The following SHB variants were observed in gnomAD, a reference collection of about 807,000 sequenced individuals.
SHB encodes SH2 domain containing adaptor protein B.
Under a neutral mutation model 52.3 loss-of-function variants are expected in SHB, and 20 were observed. The observed-to-expected ratio is 0.38, with a 90% CI of 0.27 to 0.56. The LOEUF is 0.56. Among genes scored for constraint, SHB ranks in the 20% least tolerant of loss-of-function variants. SHB has a pLI of 0.71. For missense variants in SHB, 825 were observed against 723.3 expected, an observed-to-expected ratio of 1.14 and a Z score of -1.61; for synonymous variants, 397 against 316.5, an observed-to-expected ratio of 1.25 and a Z score of -2.70.
At chr9:38,062,357 C>CTTCTCTGCCCT (rs1286031142) in intron 1 of SHB, among the ~76,000 whole-genome samples, 2 of 152,188 alleles carry the variant, frequency 1.3e-5, no homozygotes, top group Non-Finnish European at 2.9e-5. Flanking sequence ...TAATTAATGG[C>CTTCTCTGCCCT]TTGCCTGTAT....
chr9:38,042,077 C>T (rs920649680), intron 1 of SHB, among the ~76,000 whole-genome samples: 2 of 150,320 alleles, frequency 1.3e-5, no homozygotes, highest in African/African-American at 4.8e-5. Context: ...CTGGCTTCGC[C>T]CAGAAGGCAT....
At chr9:37,969,664 C>T (rs1008174218) in intron 3 of SHB, among the ~76,000 whole-genome samples, 4 of 152,226 alleles carry the variant, frequency 2.6e-5, no homozygotes, top group African/African-American at 7.2e-5. Flanking sequence ...TCCACCCCGG[C>T]TCCTTGGTCC....
intron 3 of SHB, among the ~76,000 whole-genome samples, chr9:37,966,028 A>G (rs1171551451): frequency 6.6e-6 from 1 of 152,198 alleles, no homozygotes; most frequent in Admixed American, 6.5e-5. Context: ...AAGTGGAGAC[A>G]GGGTTTCACC....
At chr9:38,000,899 G>C (rs991766947) in intron 2 of SHB, among the ~76,000 whole-genome samples, 3 of 152,140 alleles carry the variant, frequency 2.0e-5, no homozygotes, top group Non-Finnish European at 2.9e-5. Context: ...GTGACTTCGG[G>C]AAAGTCCCTT....
chr9:38,033,747 C>CA, intron 1 of SHB, among the ~76,000 whole-genome samples: 1 of 152,270 alleles, frequency 6.6e-6, no homozygotes, highest in African/African-American at 2.4e-5. Flanking sequence ...CCATAACTCT[C>CA]AGTCTTATGG....
intron 1 of SHB, among the ~76,000 whole-genome samples, chr9:38,067,045 G>A (rs541624629): frequency 2.6e-5 from 4 of 152,312 alleles, no homozygotes; most frequent in African/African-American, 9.6e-5. Flanking sequence ...CTTCACAGGA[G>A]TGTGAAGGGG....
chr9:37,995,938 A>T (rs1398771397), intron 2 of SHB, among the ~76,000 whole-genome samples: 1 of 152,182 alleles, frequency 6.6e-6, no homozygotes, highest in Admixed American at 6.5e-5. Context: ...TACACCCAAC[A>T]ATTCTATACA....
At chr9:38,017,751 G>A (rs1418220283) in intron 1 of SHB, among the ~76,000 whole-genome samples, 1 of 152,248 alleles carries the variant, frequency 6.6e-6, no homozygotes, top group Non-Finnish European at 1.5e-5. Context: ...GCTTCCAGAT[G>A]CTGACATTGT....
At chr9:38,031,375 T>C (rs1346103721) in intron 1 of SHB, among the ~76,000 whole-genome samples, 1 of 152,108 alleles carries the variant, frequency 6.6e-6, no homozygotes, top group African/African-American at 2.4e-5. Flanking sequence ...AATAACAATT[T>C]AACAGTAAAA....
chr9:38,012,101 C>A (rs141757448), intron 2 of SHB, among the ~76,000 whole-genome samples: 1 of 152,174 alleles, frequency 6.6e-6, no homozygotes, highest in South Asian at 2.1e-4. Flanking sequence ...CACTTCCTCA[C>A]GCCTTCCATC....
intron 1 of SHB, among the ~76,000 whole-genome samples, chr9:38,022,248 G>GC (rs1435550732): frequency 1.3e-5 from 2 of 152,136 alleles, no homozygotes. Flanking sequence ...CATGAAGCAA[G>GC]CCCCCCTGTC....
chr9:37,996,229 A>T (rs990142420), intron 2 of SHB, among the ~76,000 whole-genome samples: 2 of 152,170 alleles, frequency 1.3e-5, no homozygotes, highest in African/African-American at 4.8e-5. Context: ...GGCTGCATGA[A>T]GCGACTCCAC....
chr9:37,942,592 C>T (rs1192867459), intron 5 of SHB, among the ~76,000 whole-genome samples: 1 of 152,228 alleles, frequency 6.6e-6, no homozygotes, highest in Non-Finnish European at 1.5e-5. Flanking sequence ...CTGGTATATA[C>T]TGAGCACCAT....
intron 5 of SHB, among the ~76,000 whole-genome samples, chr9:37,921,298 C>T (rs979419221): frequency 1.3e-5 from 2 of 152,138 alleles, no homozygotes; most frequent in Admixed American, 6.5e-5. Context: ...GCAGCCTTTC[C>T]GCTCCAGCTC....
chr9:37,963,487 T>G (rs144539900), intron 3 of SHB, among the ~76,000 whole-genome samples: 76 of 152,268 alleles, frequency 5.0e-4, no homozygotes, highest in Non-Finnish European at 9.3e-4. Context: ...CAGGAGGGGC[T>G]TGAAGGCTGT....
chr9:37,985,435 G>A (rs1820793202), intron 2 of SHB, among the ~76,000 whole-genome samples: 1 of 152,252 alleles, frequency 6.6e-6, no homozygotes, highest in African/African-American at 2.4e-5. Context: ...ATGATCCACA[G>A]TGTCCATTAG....
At chr9:38,045,844 A>G (rs1411964959) in intron 1 of SHB, among the ~76,000 whole-genome samples, 1 of 152,220 alleles carries the variant, frequency 6.6e-6, no homozygotes, top group Admixed American at 6.5e-5. Context: ...ACAGCTTGAA[A>G]GAAACCAAGA....
intron 1 of SHB, among the ~76,000 whole-genome samples, chr9:38,049,034 T>C (rs1018374340): frequency 6.6e-6 from 1 of 152,200 alleles, no homozygotes; most frequent in African/African-American, 2.4e-5. Context: ...TTTTTATTTA[T>C]TTTTGAGACA....
chr9:38,039,615 G>C (rs907835393), intron 1 of SHB, among the ~76,000 whole-genome samples: 4 of 152,280 alleles, frequency 2.6e-5, no homozygotes, highest in Non-Finnish European at 5.9e-5. Context: ...ACAAGGTCCC[G>C]TTGTAATCCT....
Sources: gnomAD v4.1 joint callset for allele counts (sites outside exome capture counted in the v4.1 genomes callset) on GRCh38, gnomAD v4.1.1 for gene constraint, MANE v1.5 for transcripts, NCBI Gene and HGNC (gene_info 2026-07-23, HGNC 2026-07-21) for gene names.